The following UBE2D3 variants were observed in gnomAD, a reference collection of about 807,000 sequenced individuals.
UBE2D3 encodes the protein ubiquitin conjugating enzyme E2 D3, also known as ubiquitin-conjugating enzyme E2 D3.
In UBE2D3, 2 loss-of-function variants were observed where a neutral mutation model predicts 22.8. That is an observed-to-expected ratio of 0.09 (90% CI 0.04 to 0.28). The LOEUF is 0.28. Among genes scored for constraint, UBE2D3 ranks in the 10% least tolerant of loss-of-function variants. The probability of loss-of-function intolerance (pLI) is 1.00; values close to 1 mark genes in which losing one functional copy is unlikely to be tolerated. For missense variants in UBE2D3, 27 were observed against 182.5 expected (o/e 0.15, Z 4.91); for synonymous variants, 56 against 60.4 (o/e 0.93, Z 0.34).
chr4:102,840,912 G>C (rs994565781), intron 1 of UBE2D3, among the ~76,000 whole-genome samples: 1 of 151,976 alleles, frequency 6.6e-6, no homozygotes, highest in East Asian at 1.9e-4. Flanking sequence ...AGCTACTCAG[G>C]AGGCTGAGGC....
chr4:102,799,590 A>C, intron 6 of UBE2D3, 90 bp from the exon 7 acceptor site: 1 of 897,406 alleles, frequency 1.1e-6, no homozygotes, highest in Non-Finnish European at 1.7e-6. Context: ...CTCAATCCTC[A>C]AAAGACTTTT....
At chr4:102,831,917 T>C (rs767272702), upstream of UBE2D3, among the ~76,000 whole-genome samples, 1 of 152,204 alleles carries the variant, frequency 6.6e-6, no homozygotes, top group Non-Finnish European at 1.5e-5. Flanking sequence ...ATAGAGTCAC[T>C]CCTAGTTTTC....
At position 102,809,872 on chromosome 4, in the gene UBE2D3, A is replaced by C. The variant is rs1359286334; in HGVS notation, c.25-17T>G. On this transcript the variant is annotated splice_polypyrimidine_tract_variant and intron_variant, in intron 2 of 7. Transcript: ENST00000453744. ...ACTAAGTTCCTACACCAAGACAGAAAATGGGTGAGTCACATAAGCTTAATT... is the reference window on the plus strand; with the variant it reads ...ACTAAGTTCCTACACCAAGACAGAACATGGGTGAGTCACATAAGCTTAATT... 7.4e-6 allele frequency: 12 copies of C among 1,611,190 alleles called. No individual in the cohort carries two copies. Among genetic ancestry groups the C allele is most frequent in the Non-Finnish European group, 1.0e-5 (12 of 1,179,628 alleles).
intron 2 of UBE2D3, among the ~76,000 whole-genome samples, chr4:102,813,455 TGAG>T (rs1454118608): frequency 1.3e-5 from 2 of 152,206 alleles, no homozygotes; most frequent in Non-Finnish European, 2.9e-5. Flanking sequence ...ATTTTTGGCC[TGAG>T]CAAAGCATGA....
intron 1 of UBE2D3, among the ~76,000 whole-genome samples, chr4:102,839,343 T>C (rs1466307243): frequency 2.6e-5 from 4 of 152,186 alleles, no homozygotes; most frequent in African/African-American, 7.2e-5. Flanking sequence ...CATGGCTCAC[T>C]ACAGCCTCAA....
At chr4:102,826,412 A>ACCC in intron 2 of UBE2D3, 73 bp downstream of exon 2, 1 of 1,577,820 alleles carries the variant, frequency 6.3e-7, no homozygotes. Context: ...CTTCCTTCCC[A>ACCC]CCCCCACGCT....
At chr4:102,844,484 T>C (rs982114363) in intron 1 of UBE2D3, among the ~76,000 whole-genome samples, 1 of 152,198 alleles carries the variant, frequency 6.6e-6, no homozygotes, top group Admixed American at 6.5e-5. Flanking sequence ...TCTACCATAA[T>C]AGCAATCCCT....
At chr4:102,826,201 A>G (rs1730459154) in intron 2 of UBE2D3, among the ~76,000 whole-genome samples, 1 of 148,530 alleles carries the variant, frequency 6.7e-6, no homozygotes, top group Non-Finnish European at 1.5e-5. Context: ...AGCAGCAAAA[A>G]AATAAAATAA....
At chr4:102,863,106 A>G (rs1382164940) in intron 1 of UBE2D3, among the ~76,000 whole-genome samples, 1 of 151,646 alleles carries the variant, frequency 6.6e-6, no homozygotes, top group Non-Finnish European at 1.5e-5. Flanking sequence ...GCTGGAGTGC[A>G]GTGGCACAAT....
At chr4:102,826,335 A>T in intron 2 of UBE2D3, 150 bp downstream of exon 2, 1 of 1,020,590 alleles carries the variant, frequency 9.8e-7, no homozygotes, top group South Asian at 1.5e-5. Flanking sequence ...CATTTCTTCA[A>T]GAAGTATATC....
At chr4:102,821,423 A>G (rs780442504) in intron 2 of UBE2D3, among the ~76,000 whole-genome samples, 3 of 152,174 alleles carry the variant, frequency 2.0e-5, no homozygotes, top group Non-Finnish European at 2.9e-5. Context: ...ACCATAGATA[A>G]GGACCATCTT....
At chr4:102,839,317 A>G (rs1006599490) in intron 1 of UBE2D3, among the ~76,000 whole-genome samples, 21 of 152,102 alleles carry the variant, frequency 1.4e-4, no homozygotes, top group Non-Finnish European at 2.5e-4. Flanking sequence ...CCTAGGCTGG[A>G]ATGCAATGGC....
intron 1 of UBE2D3, among the ~76,000 whole-genome samples, chr4:102,866,846 C>T (rs1435795295): frequency 1.3e-5 from 2 of 152,152 alleles, no homozygotes; most frequent in Non-Finnish European, 2.9e-5. Context: ...CTACCCCTAC[C>T]TCAACTAGGG....
At chr4:102,798,956 C>T in intron 7 of UBE2D3, 1 of 1,611,914 alleles carries the variant, frequency 6.2e-7, no homozygotes, top group South Asian at 1.1e-5. Context: ...TCTCTGTCCA[C>T]TCTCTTGCTA....
chr4:102,862,633 G>A (rs1732954842), intron 1 of UBE2D3, among the ~76,000 whole-genome samples: 1 of 152,104 alleles, frequency 6.6e-6, no homozygotes, highest in African/African-American at 2.4e-5. Flanking sequence ...AAACCTTTTA[G>A]GTTTGAAAAT....
At chr4:102,848,932 TG>T (rs1252818011) in intron 1 of UBE2D3, among the ~76,000 whole-genome samples, 5 of 87,068 alleles carry the variant, frequency 5.7e-5, no homozygotes, top group Non-Finnish European at 5.1e-5. Context: ...TGTGTGTGTG[TG>T]TGTGTGTGTG....
At chr4:102,859,181 T>G (rs1007763163) in intron 1 of UBE2D3, among the ~76,000 whole-genome samples, 1 of 151,878 alleles carries the variant, frequency 6.6e-6, no homozygotes, top group Non-Finnish European at 1.5e-5. Flanking sequence ...TGTGGGTAAA[T>G]TATTCTTAGT....
intron 6 of UBE2D3, 61 bp from the exon 7 acceptor site, chr4:102,799,561 T>C: frequency 1.5e-6 from 2 of 1,342,446 alleles, no homozygotes; most frequent in South Asian, 1.3e-5. Context: ...TAAATTTTTC[T>C]AAACCGTGTA....
chr4:102,802,834 T>C, intron 4 of UBE2D3, 196 bp from the exon 5 acceptor site: 1 of 383,354 alleles, frequency 2.6e-6, no homozygotes, highest in Non-Finnish European at 4.6e-6. Context: ...AACCCTAATT[T>C]ATCTAGTCAT....
Sources: gnomAD v4.1 joint callset for allele counts (sites outside exome capture counted in the v4.1 genomes callset) on GRCh38, gnomAD v4.1.1 for gene constraint, MANE v1.5 for transcripts, NCBI Gene and HGNC (gene_info 2026-07-23, HGNC 2026-07-21) for gene names.